Variants in NADSYN1 observed in about 807,000 individuals in gnomAD.
NADSYN1 encodes NAD synthetase 1, also known as glutamine-dependent NAD(+) synthetase.
In NADSYN1, 80 loss-of-function variants were observed where a neutral mutation model predicts 99.3. That is an observed-to-expected ratio of 0.81 (90% CI 0.67 to 0.97). The LOEUF is 0.97. Among genes scored for constraint, NADSYN1 ranks in the 50% least tolerant of loss-of-function variants. The probability of loss-of-function intolerance (pLI) is 0.00; values close to 1 mark genes in which losing one functional copy is unlikely to be tolerated. For missense variants in NADSYN1, 859 were observed against 948.5 expected (o/e 0.91, Z 1.24); for synonymous variants, 385 against 372.1 (o/e 1.03, Z -0.40).
rs572600780 is a variant in NADSYN1, at chr11:71,462,978, C to A, written c.264-454C>A. On this transcript the variant is annotated intron_variant, in intron 3 of 20. Coordinates refer to ENST00000319023, the MANE Select transcript of NADSYN1 (RefSeq NM_018161.5). Reference sequence around the variant, plus strand: ...AGGTGATGGGAGCGTGAAGCCAAGACCCAGTCCCGAGAAAGGGCCAGCCCG... The same window carrying A: ...AGGTGATGGGAGCGTGAAGCCAAGAACCAGTCCCGAGAAAGGGCCAGCCCG... 3.9e-5 allele frequency among the ~76,000 whole-genome samples: 6 copies of A among 152,224 alleles called. No homozygotes were observed. The East Asian group carries it at 1.2e-3, about 29-fold the overall frequency.
Position 71,480,791 on chromosome 11 carries a change from G to A in NADSYN1, c.910G>A (p.Asp304Asn). 6.2e-7 allele frequency: 1 copy of A among 1,614,182 alleles called. No homozygotes were observed. Among genetic ancestry groups the A allele is most frequent in the Non-Finnish European group, 8.5e-7 (1 of 1,180,040 alleles). Reference protein sequence around the residue: ...RASPYPRVKVDFALSCHEDLL... With the variant: ...RASPYPRVKVNFALSCHEDLL... ...GAGCCCCTACCCCAGAGTGAAGGTG[G>A]ACTTTGCCCTCTCGTGCCACGAGGA... is the stretch of plus-strand genomic sequence containing the variant. The change falls in exon 11 of 21, where the codon GAC (aspartate) becomes AAC (asparagine). Residue 304 changes from aspartate to asparagine, a missense_variant. Asp to Asn is a conservative substitution (Grantham distance 23, BLOSUM62 1). Transcript: ENST00000319023.
At chr11:71,469,451 A>G (rs532899808) in intron 5 of NADSYN1, among the ~76,000 whole-genome samples, 1 of 152,328 alleles carries the variant, frequency 6.6e-6, no homozygotes, top group Admixed American at 6.5e-5. Flanking sequence ...TGGAGTGGGA[A>G]TCAGGGGGCT....
intron 2 of NADSYN1, among the ~76,000 whole-genome samples, chr11:71,457,637 G>C (rs1317978548): frequency 1.3e-5 from 2 of 152,202 alleles, no homozygotes; most frequent in East Asian, 3.9e-4. Context: ...TCCAAAATCA[G>C]GATGGCAGCA....
rs1591130505 is a variant in NADSYN1 at position 71,480,279 on chromosome 11, G to A, written c.874-476G>A. ...ACCTCTGCCTCGTAGATTCAAGTGA[G>A]TCTCCGGTCTCAGCCTCCCTAGTAG... is the stretch of plus-strand genomic sequence containing the variant. On this transcript the variant is annotated intron_variant, in intron 10 of 20. Coordinates refer to ENST00000319023, the MANE Select transcript of NADSYN1 (RefSeq NM_018161.5). 4 of 163,916 alleles carry A rather than the reference G, an allele frequency of 2.4e-5. No homozygotes were observed. In the South Asian group the frequency reaches 4.7e-4, roughly 19 times the overall value. The allele number at this position is 163,916 out of a possible 1,614,324, so 10.2% of individuals were successfully genotyped here.
intron 16 of NADSYN1, 41 bp from the exon 17 acceptor site, chr11:71,490,804 G>A (rs753955370): frequency 5.6e-6 from 9 of 1,610,216 alleles, no homozygotes; most frequent in East Asian, 2.2e-5. Flanking sequence ...TGGAGTCTGC[G>A]GCCCCTTGGG....
intron 19 of NADSYN1, 28 bp from the exon 20 acceptor site, chr11:71,498,324 T>C (rs762701339): frequency 1.9e-6 from 3 of 1,612,454 alleles, no homozygotes; most frequent in Non-Finnish European, 2.5e-6. Context: ...TTTGGTAACA[T>C]GAAGCTCGTG....
In NADSYN1 at chr11:71,480,851, A is replaced by G; in HGVS notation, c.970A>G (p.Lys324Glu). ...LAPISEPIEW[K>E]YHSPEEEISL... ...ACCCATCTCTGAGCCCATCGAGTGG[A>G]AATACCACAGCCCTGAGGAGGAGAT... The change falls in exon 11 of 21, where the codon AAA becomes GAA. Residue 324 changes from lysine (K) to glutamate (E), a missense_variant. Coordinates refer to ENST00000319023, the MANE Select transcript of NADSYN1 (RefSeq NM_018161.5). 6.2e-7 allele frequency: 1 copy of G among 1,614,142 alleles called. No homozygotes were observed.
chr11:71,501,215 G>T, intron 20 of NADSYN1, 87 bp from the exon 21 acceptor site: 1 of 1,276,196 alleles, frequency 7.8e-7, no homozygotes, highest in South Asian at 1.7e-5. Flanking sequence ...TCTGGGACTT[G>T]TGACCCGCTT....
chr11:71,498,809 C>CCCCACCCTATTATTTGTGTGTGCCTTA, intron 20 of NADSYN1: 1 of 281,620 alleles, frequency 3.6e-6, no homozygotes, highest in East Asian at 8.3e-5. Flanking sequence ...GCGTGCCTTA[C>CCCCACCCTATTATTTGTGTGTGCCTTA]CCCACACGCC....
At chr11:71,491,541 A>G (rs1356240815) in intron 17 of NADSYN1, among the ~76,000 whole-genome samples, 1 of 152,134 alleles carries the variant, frequency 6.6e-6, no homozygotes, top group Non-Finnish European at 1.5e-5. Flanking sequence ...TCCCTACAGC[A>G]GAGTCCCCTC....
At chr11:71,475,956 C>G in intron 9 of NADSYN1, 1 of 450,568 alleles carries the variant, frequency 2.2e-6, no homozygotes, top group South Asian at 1.6e-5. Context: ...TCAGGCAATC[C>G]ACGCACCTCA....
Position 71,453,313 on chromosome 11 carries a change from C to T in NADSYN1, c.17C>T (p.Thr6Ile), listed in dbSNP as rs1369482445. The T allele has an allele frequency of 6.2e-7, 1 of 1,613,768 alleles. No homozygotes were observed. Among genetic ancestry groups the T allele is most frequent in the South Asian group, 1.1e-5 (1 of 91,048 alleles). The change falls in exon 1 of 21, where the codon ACC becomes ATC. Residue 6 changes from threonine to isoleucine, a missense_variant. Thr to Ile is a moderately conservative substitution (Grantham distance 89). Transcript: ENST00000319023. MGRKVTVATCALNQWA... is the reference protein window; with the variant it reads MGRKVIVATCALNQWA... ...GCGGCCAGGATGGGCCGGAAGGTGA[C>T]CGTGGCCACCTGCGCACTCAACCAG...
chr11:71,472,855 A>G (rs1949636763), intron 6 of NADSYN1, among the ~76,000 whole-genome samples: 1 of 152,174 alleles, frequency 6.6e-6, no homozygotes, highest in African/African-American at 2.4e-5. Context: ...CCCTACTCTC[A>G]ATTTTGAATT....
At chr11:71,456,541 C>G (rs1028916640) in intron 2 of NADSYN1, among the ~76,000 whole-genome samples, 1 of 152,190 alleles carries the variant, frequency 6.6e-6, no homozygotes, top group African/African-American at 2.4e-5. Flanking sequence ...GGAGGAGCTG[C>G]AGTGGTGACA....
Position 71,453,278 on chromosome 11 carries a change from C to A in NADSYN1, c.-19C>A. 7 of 1,611,532 alleles carry A rather than the reference C, an allele frequency of 4.3e-6. No individual in the cohort carries two copies. Among genetic ancestry groups the A allele is most frequent in the Non-Finnish European group, 5.1e-6 (6 of 1,178,424 alleles). ...TTGCTGTCCCCCGCTGGCCTCCTGC[C>A]CAAGCGACTGCGGCCAGGATGGGCC... On this transcript the variant is annotated 5_prime_UTR_variant, in exon 1 of 21. Transcript: ENST00000319023.
intron 18 of NADSYN1, chr11:71,497,021 T>C (rs1424025045): frequency 2.2e-5 from 4 of 183,556 alleles, no homozygotes; most frequent in Non-Finnish European, 4.6e-5. Context: ...GGACTGCAGG[T>C]GCACACACCA....
At chr11:71,463,389 C>G (rs1014625484) in intron 3 of NADSYN1, 43 bp from the exon 4 acceptor site, 6 of 1,571,838 alleles carry the variant, frequency 3.8e-6, no homozygotes, top group Admixed American at 3.3e-5. Flanking sequence ...CTCTGTGTTT[C>G]ATAACCGGGC....
intron 18 of NADSYN1, 55 bp from the exon 19 acceptor site, chr11:71,497,428 C>T (rs950056560): frequency 1.7e-5 from 28 of 1,610,188 alleles, no homozygotes; most frequent in Non-Finnish European, 2.1e-5. Flanking sequence ...AAGCTTTAGG[C>T]TCTCCCCCCG....
intron 2 of NADSYN1, 156 bp downstream of exon 2, chr11:71,455,326 G>A: frequency 1.7e-6 from 1 of 601,418 alleles, no homozygotes; most frequent in Non-Finnish European, 2.9e-6. Context: ...GAACACCTGA[G>A]CAAGGGCAGG....
Sources: gnomAD v4.1 joint callset for allele counts (sites outside exome capture counted in the v4.1 genomes callset) on GRCh38, gnomAD v4.1.1 for gene constraint, MANE v1.5 for transcripts, NCBI Gene and HGNC (gene_info 2026-07-23, HGNC 2026-07-21) for gene names.